PREX1: variants seen among roughly 807,000 people sequenced by gnomAD.
PREX1 encodes the protein phosphatidylinositol 3,4,5-trisphosphate-dependent Rac exchanger 1 protein.
Under a neutral mutation model 198.3 loss-of-function variants are expected in PREX1, and 41 were observed. That is an observed-to-expected ratio of 0.21 (90% CI 0.16 to 0.27). The LOEUF (loss-of-function observed/expected upper bound fraction) is 0.27, where lower values mean the gene tolerates loss of function less well. Among genes scored for constraint, PREX1 ranks in the 10% least tolerant of loss-of-function variants. The probability of loss-of-function intolerance (pLI) is 1.00; values close to 1 mark genes in which losing one functional copy is unlikely to be tolerated. For missense variants in PREX1, 1,620 were observed against 2,200.7 expected, an observed-to-expected ratio of 0.74 and a Z score of 5.28; for synonymous variants, 843 against 887.2, an observed-to-expected ratio of 0.95 and a Z score of 0.89.
At chr20:48,872,149 ACT>A in the PREX1 span, among the ~76,000 whole-genome samples, 1 of 144,018 alleles carries the variant, frequency 6.9e-6, no homozygotes, top group Non-Finnish European at 1.5e-5. Flanking sequence ...GCAGAGCAAG[ACT>A]CTGTCTCAAA....
In PREX1 at chr20:48,645,910, C is replaced by T. The variant is rs752658288; in HGVS notation, c.3453G>A (p.Val1151=). ...CTGAGTCCTCCTGGTCCTCCTCGGC[C>T]ACCTTGAAGCACACCTTCTTGATGC... ...HGGIKKVCFK[V]AEEDQEDSGH... Residue 1151 remains valine, a synonymous_variant, in exon 26 of 40, where the codon GTG becomes GTA. Transcript: ENST00000371941. 6.2e-7 allele frequency: 1 copy of T among 1,614,110 alleles called. No homozygotes were observed. The highest frequency in any genetic ancestry group is 8.5e-7 in the Non-Finnish European group (1 of 1,180,048).
chr20:48,649,200 A>AC (rs3215555), intron 25 of PREX1, 100 bp downstream of exon 25: 9 of 1,491,886 alleles, frequency 6.0e-6, no homozygotes, highest in African/African-American at 1.4e-5. Flanking sequence ...AGGACAGCCC[A>AC]CCCCCCACTA....
At chr20:48,686,314 C>A (rs1308984705) in intron 10 of PREX1, among the ~76,000 whole-genome samples, 1 of 152,170 alleles carries the variant, frequency 6.6e-6, no homozygotes, top group African/African-American at 2.4e-5. Context: ...ACACACCCTA[C>A]GGCTGTGTGC....
rs1361937935 is a variant in PREX1, at chr20:48,678,470, A to AG, written c.1589+889_1589+890insC. Among the ~76,000 whole-genome samples the AG allele has an allele frequency of 6.5e-5, 8 of 123,004 alleles. No homozygotes were observed. In the East Asian group the frequency reaches 1.8e-3, roughly 28 times the overall value. The allele number at this position is 123,004 out of a possible 152,430, so 80.7% of individuals were successfully genotyped here. On this transcript the variant is annotated intron_variant, in intron 13 of 39. Transcript: ENST00000371941. ...GGGTAACGGAGCAAGACCCTGTCTC[A>AG]AAAAAAAAAAAGAAGAAGAAAATTA...
the PREX1 span, among the ~76,000 whole-genome samples, chr20:48,840,359 A>G: frequency 6.6e-6 from 1 of 152,016 alleles, no homozygotes. Flanking sequence ...AAAAAAGAAA[A>G]AAAAAAGCAT....
rs202243816 is a variant in PREX1, at chr20:48,635,974, G to GGC, written c.4167+487_4167+488dup. Among the ~76,000 whole-genome samples, 553 of 152,302 alleles carry GGC rather than the reference G, an allele frequency of 3.6e-3. 7 individuals carry two copies. The highest frequency in any genetic ancestry group is 0.019 in the East Asian group (100 of 5,174). On this transcript the variant is annotated intron_variant, in intron 32 of 39. Transcript: ENST00000371941. Reference sequence around the variant, plus strand: ...TCTTGTGCAGCAGCAGCCAGCAGAGGGCGCTCCAAGGCCAGGCCTCCCCAC... The same window carrying GGC: ...TCTTGTGCAGCAGCAGCCAGCAGAGGGCGCGCTCCAAGGCCAGGCCTCCCCAC...
chr20:48,700,733 C>A lies in PREX1; in HGVS notation c.917+20G>T. 6.2e-7 allele frequency: 1 copy of A among 1,612,276 alleles called. No individual in the cohort carries two copies. The highest frequency in any genetic ancestry group is 1.3e-5 in the African/African-American group (1 of 75,006). ...AGAAGGCAGCAGGCCAGACCCCATC[C>A]CAGCCTCCTGGCCACTCACCTGGAT... On this transcript the variant is annotated intron_variant, in intron 7 of 39. Transcript: ENST00000371941.
rs577448556 is a variant in PREX1, at chr20:48,777,218, C to T, written c.220-29338G>A. Among the ~76,000 whole-genome samples the T allele has an allele frequency of 2.0e-4, 30 of 152,256 alleles. No individual in the cohort carries two copies. The South Asian group carries it at 4.6e-3, about 23-fold the overall frequency. On this transcript the variant is annotated intron_variant, in intron 1 of 39. Coordinates refer to ENST00000371941, the MANE Select transcript of PREX1 (RefSeq NM_020820.4). ...TGATGCCAAAACCCGCCACACCACA[C>T]GAGGCACAAACACCAGACCAGGTCT...
At chr20:48,632,044 G>A (rs1252756630) in intron 35 of PREX1, among the ~76,000 whole-genome samples, 3 of 152,208 alleles carry the variant, frequency 2.0e-5, no homozygotes, top group African/African-American at 7.2e-5. Context: ...GTGACCTTGG[G>A]CAAGTGTGTA....
At chr20:48,881,316 T>C in the PREX1 span, among the ~76,000 whole-genome samples, 1 of 152,340 alleles carries the variant, frequency 6.6e-6, no homozygotes, top group African/African-American at 2.4e-5. Flanking sequence ...CAATAAATCC[T>C]TTCCAACAAT....
At chr20:48,664,927 CG>C (rs1275347295) in intron 15 of PREX1, among the ~76,000 whole-genome samples, 80 of 120,216 alleles carry the variant, frequency 6.7e-4, no homozygotes, top group Non-Finnish European at 1.1e-3. Context: ...ATTCTAATCC[CG>C]ACTCCAGACG....
intron 17 of PREX1, among the ~76,000 whole-genome samples, chr20:48,657,534 C>T (rs1256400026): frequency 1.3e-5 from 2 of 152,230 alleles, no homozygotes; most frequent in Non-Finnish European, 2.9e-5. Context: ...GACCTGCTGA[C>T]CCGAACCAAG....
intron 16 of PREX1, among the ~76,000 whole-genome samples, chr20:48,658,945 G>A (rs1004142182): frequency 2.6e-5 from 4 of 151,990 alleles, no homozygotes; most frequent in Admixed American, 6.6e-5. Context: ...AAGAGATCAG[G>A]AGGTCAGGCG....
chr20:48,775,315 A>G (rs888206924), intron 1 of PREX1, among the ~76,000 whole-genome samples: 1 of 151,956 alleles, frequency 6.6e-6, no homozygotes, highest in Non-Finnish European at 1.5e-5. Flanking sequence ...CAGGAAAGGG[A>G]GAGATAAAGC....
the PREX1 span, among the ~76,000 whole-genome samples, chr20:48,846,559 T>A: frequency 1.3e-5 from 2 of 152,292 alleles, no homozygotes; most frequent in Admixed American, 6.5e-5. Flanking sequence ...ACCTTGGTCT[T>A]GCCCTGCCCA....
At chr20:48,679,166 T>C (rs1026462336) in intron 13 of PREX1, among the ~76,000 whole-genome samples, 194 bp downstream of exon 13, 5 of 152,186 alleles carry the variant, frequency 3.3e-5, no homozygotes, top group African/African-American at 1.2e-4. Context: ...AACTGACACC[T>C]GCATCACTAC....
chr20:48,755,639 G>GAGC (rs2090153206), intron 1 of PREX1, among the ~76,000 whole-genome samples: 1 of 152,208 alleles, frequency 6.6e-6, no homozygotes, highest in South Asian at 2.1e-4. Context: ...GGGGAAAACA[G>GAGC]AGCAGCATTC....
intron 1 of PREX1, among the ~76,000 whole-genome samples, chr20:48,763,990 G>A (rs896218648): frequency 6.6e-6 from 1 of 152,224 alleles, no homozygotes; most frequent in East Asian, 1.9e-4. Context: ...CTCAGAGCAT[G>A]CAGCTAAGCA....
chr20:48,869,563 T>C, the PREX1 span, among the ~76,000 whole-genome samples: 96 of 152,328 alleles, frequency 6.3e-4, 1 homozygote, highest in Non-Finnish European at 9.8e-4. Flanking sequence ...TGCTGAGCAC[T>C]ATTTACAATA....
Sources: gnomAD v4.1 joint callset for allele counts (sites outside exome capture counted in the v4.1 genomes callset) on GRCh38, gnomAD v4.1.1 for gene constraint, MANE v1.5 for transcripts, NCBI Gene and HGNC (gene_info 2026-07-23, HGNC 2026-07-21) for gene names.